The following PLPPR1 variants were observed in gnomAD, a reference collection of about 807,000 sequenced individuals.
PLPPR1 encodes the protein phospholipid phosphatase related 1.
A neutral mutation model predicts 33.1 loss-of-function variants in PLPPR1; 10 were observed. The observed-to-expected ratio is 0.30, with a 90% CI of 0.19 to 0.51. The LOEUF (loss-of-function observed/expected upper bound fraction) is 0.51, where lower values mean the gene tolerates loss of function less well. Among genes scored for constraint, PLPPR1 ranks in the 20% least tolerant of loss-of-function variants. PLPPR1 has a pLI of 0.97. For synonymous variants in PLPPR1, 151 were observed against 151.0 expected (o/e 1.00, Z 0.00); for missense variants, 304 against 408.1 (o/e 0.74, Z 2.20).
intron 2 of PLPPR1, among the ~76,000 whole-genome samples, chr9:101,192,663 T>C (rs10989422): frequency 0.13 from 19,888 of 151,890 alleles, 1,550 homozygotes; most frequent in East Asian, 0.31. Flanking sequence ...AGAAAACCAA[T>C]GAAACACACA....
intron 1 of PLPPR1, among the ~76,000 whole-genome samples, chr9:101,114,995 T>C (rs969905080): frequency 2.0e-5 from 3 of 152,180 alleles, no homozygotes; most frequent in Non-Finnish European, 4.4e-5. Context: ...GCTAATTATG[T>C]TTCTCAGCAT....
At chr9:101,264,902 A>T (rs1415446588) in intron 2 of PLPPR1, among the ~76,000 whole-genome samples, 1 of 152,112 alleles carries the variant, frequency 6.6e-6, no homozygotes, top group Non-Finnish European at 1.5e-5. Context: ...TTCAGACAAG[A>T]TGCTTCATGT....
At chr9:101,251,044 A>G (rs1235817343) in intron 2 of PLPPR1, among the ~76,000 whole-genome samples, 1 of 152,038 alleles carries the variant, frequency 6.6e-6, no homozygotes, top group African/African-American at 2.4e-5. Context: ...GTCTCTAACC[A>G]AGAACTTTCT....
intron 1 of PLPPR1, among the ~76,000 whole-genome samples, chr9:101,073,499 G>T (rs1323941916): frequency 6.6e-6 from 1 of 151,278 alleles, no homozygotes; most frequent in Non-Finnish European, 1.5e-5. Flanking sequence ...AAAAAGCTCA[G>T]ACGTTGTTTG....
intron 1 of PLPPR1, among the ~76,000 whole-genome samples, chr9:101,031,506 C>T (rs1450990708): frequency 6.6e-6 from 1 of 152,156 alleles, no homozygotes; most frequent in Non-Finnish European, 1.5e-5. Flanking sequence ...CACTTCATCC[C>T]CTCCTCCTGG....
chr9:101,195,401 G>A (rs191457081), intron 2 of PLPPR1, among the ~76,000 whole-genome samples: 83 of 151,962 alleles, frequency 5.5e-4, no homozygotes, highest in African/African-American at 2.0e-3. Flanking sequence ...ATAATAAAAG[G>A]TTTTACTTAG....
intron 1 of PLPPR1, among the ~76,000 whole-genome samples, chr9:101,030,811 C>G (rs1829936201): frequency 6.6e-6 from 1 of 151,852 alleles, no homozygotes; most frequent in South Asian, 2.1e-4. Context: ...ACCTTTTTAT[C>G]TTTAACATTT....
intron 1 of PLPPR1, among the ~76,000 whole-genome samples, chr9:101,089,877 G>A (rs1196883692): frequency 6.6e-6 from 1 of 152,130 alleles, no homozygotes; most frequent in South Asian, 2.1e-4. Context: ...TTTGCAAGAT[G>A]TATTAGTTGT....
chr9:101,229,805 T>C (rs960834605), intron 2 of PLPPR1, among the ~76,000 whole-genome samples: 1 of 152,132 alleles, frequency 6.6e-6, no homozygotes, highest in Non-Finnish European at 1.5e-5. Flanking sequence ...GCCTCTCCAA[T>C]TTCTGTGCCT....
chr9:101,193,266 C>G (rs1826334136), intron 2 of PLPPR1, among the ~76,000 whole-genome samples: 1 of 152,090 alleles, frequency 6.6e-6, no homozygotes, highest in African/African-American at 2.4e-5. Context: ...ATGGAAATAT[C>G]CCACCCCCTG....
chr9:101,222,693 G>T (rs1418316839), intron 2 of PLPPR1, among the ~76,000 whole-genome samples: 1 of 152,206 alleles, frequency 6.6e-6, no homozygotes, highest in Admixed American at 6.5e-5. Context: ...GTCAACAGCT[G>T]TGAAGGACAC....
chr9:101,297,227 TA>T (rs1269680331), intron 4 of PLPPR1, among the ~76,000 whole-genome samples: 1 of 150,526 alleles, frequency 6.6e-6, no homozygotes, highest in Admixed American at 6.8e-5. Flanking sequence ...ATAATTTTTT[TA>T]AAGAGTGAGG....
chr9:101,288,848 T>C (rs1204023405), intron 4 of PLPPR1, among the ~76,000 whole-genome samples: 1 of 152,244 alleles, frequency 6.6e-6, no homozygotes, highest in Non-Finnish European at 1.5e-5. Context: ...CCCTATATCT[T>C]GTTTTGCAAT....
intron 1 of PLPPR1, among the ~76,000 whole-genome samples, chr9:101,081,715 C>A (rs986560032): frequency 6.6e-6 from 1 of 152,096 alleles, no homozygotes; most frequent in South Asian, 2.1e-4. Flanking sequence ...TTCTGCTTAA[C>A]GTAAGATGAG....
chr9:101,241,136 T>C (rs1022871694), intron 2 of PLPPR1, among the ~76,000 whole-genome samples: 1 of 152,064 alleles, frequency 6.6e-6, no homozygotes. Flanking sequence ...AAGCAGACAC[T>C]GAGATGGAAT....
chr9:101,108,714 C>G (rs1831010600), intron 1 of PLPPR1, among the ~76,000 whole-genome samples: 1 of 152,126 alleles, frequency 6.6e-6, no homozygotes, highest in African/African-American at 2.4e-5. Flanking sequence ...CTGGTAAATC[C>G]CACTTCATGC....
At chr9:101,323,552 T>A (rs912234426) in intron 7 of PLPPR1, among the ~76,000 whole-genome samples, 2 of 145,802 alleles carry the variant, frequency 1.4e-5, no homozygotes, top group Admixed American at 1.4e-4. Context: ...TAAAAAGAGG[T>A]AAGGAGGCCA....
chr9:101,125,713 A>G, intron 1 of PLPPR1: 1 of 677,294 alleles, frequency 1.5e-6, no homozygotes, highest in Non-Finnish European at 2.4e-6. Context: ...CATAAAGAAC[A>G]TAACCAATAT....
chr9:101,215,701 A>AT (rs111548700), intron 2 of PLPPR1, among the ~76,000 whole-genome samples: 35 of 148,776 alleles, frequency 2.4e-4, no homozygotes, highest in Non-Finnish European at 2.5e-4. Flanking sequence ...CTCATTTTTC[A>AT]TTTTTTTTTA....
Sources: gnomAD v4.1 joint callset for allele counts (sites outside exome capture counted in the v4.1 genomes callset) on GRCh38, gnomAD v4.1.1 for gene constraint, MANE v1.5 for transcripts, NCBI Gene and HGNC (gene_info 2026-07-23, HGNC 2026-07-21) for gene names.